The following MSN variants were observed in gnomAD, a reference collection of about 807,000 sequenced individuals.
The protein encoded by MSN is epididymis luminal protein 70.
MSN carries 2 observed loss-of-function variants against 48.0 expected under a neutral mutation model. The observed-to-expected ratio is 0.04, with a 90% CI of 0.02 to 0.13. The LOEUF is 0.13. Ranked by LOEUF, MSN falls within the 10% of genes least tolerant of loss-of-function variation. MSN has a pLI of 1.00. For missense variants in MSN, 267 were observed against 470.1 expected (o/e 0.57, Z 3.99); for synonymous variants, 146 against 166.9 (o/e 0.87, Z 0.97).
chrX:65,689,507 A>C (rs2071151614), intron 1 of MSN, among the ~76,000 whole-genome samples: 1 of 111,536 alleles, frequency 9.0e-6, no homozygotes, highest in African/African-American at 3.3e-5. Context: ...CCCACCAGAA[A>C]CAGGTGATAA....
At chrX:65,670,714 C>T (rs1363882502) in intron 1 of MSN, among the ~76,000 whole-genome samples, 5 of 105,008 alleles carry the variant, frequency 4.8e-5, no homozygotes, top group Non-Finnish European at 7.8e-5. Context: ...CAGAGTGAGA[C>T]TCCATCTCAA....
intron 1 of MSN, among the ~76,000 whole-genome samples, chrX:65,597,834 AAGACAGT>A (rs1175825923): frequency 8.9e-6 from 1 of 112,127 alleles, no homozygotes; most frequent in Non-Finnish European, 1.9e-5. Context: ...ATGGGGTCAG[AAGACAGT>A]AGGAATATAG....
At chrX:65,693,824 C>T (rs935512942) in intron 1 of MSN, among the ~76,000 whole-genome samples, 6 of 111,607 alleles carry the variant, frequency 5.4e-5, no homozygotes, top group African/African-American at 1.3e-4. Flanking sequence ...GAGGCCGAGG[C>T]GGGCAGATCA....
At chrX:65,678,081 C>T (rs2071018998) in intron 1 of MSN, among the ~76,000 whole-genome samples, 1 of 111,140 alleles carries the variant, frequency 9.0e-6, no homozygotes, top group Non-Finnish European at 1.9e-5. Context: ...TAAAGGCTTC[C>T]TCCCTGCAAC....
At chrX:65,698,929 A>G (rs1284345403) in intron 1 of MSN, among the ~76,000 whole-genome samples, 1 of 111,719 alleles carries the variant, frequency 9.0e-6, no homozygotes, top group African/African-American at 3.3e-5. Context: ...AGAAAGTCAT[A>G]TAAGTCCTAT....
intron 1 of MSN, among the ~76,000 whole-genome samples, chrX:65,658,642 C>T (rs1019435932): frequency 2.7e-5 from 3 of 110,999 alleles, no homozygotes; most frequent in Non-Finnish European, 5.7e-5. Flanking sequence ...GTATTGCCTC[C>T]TCTGCACTGC....
rs55726908 is a variant in MSN at position 65,718,818 on chromosome X, T to TAAAAAAA, written c.96+1928_96+1934dup. 1.2e-4 allele frequency among the ~76,000 whole-genome samples: 9 copies of TAAAAAAA among 75,152 alleles called. 1 individual carries two copies. The highest frequency in any genetic ancestry group is 5.3e-4 in the African/African-American group (8 of 14,996). 65.3% of individuals were successfully genotyped at this position (75,152 alleles called of 115,157 possible). On this transcript the variant is annotated intron_variant, in intron 2 of 12. Coordinates refer to ENST00000360270, the MANE Select transcript of MSN (RefSeq NM_002444.3). Reference sequence around the variant, plus strand: ...AGGTGACAGAGCAAGACTCTGTCTCTAAAAAAAAAAAAAAAAAGTAAAGAA... The same window carrying TAAAAAAA: ...AGGTGACAGAGCAAGACTCTGTCTCTAAAAAAAAAAAAAAAAAAAAAAAAGTAAAGAA...
intron 1 of MSN, among the ~76,000 whole-genome samples, chrX:65,673,816 T>G (rs2070968493): frequency 9.0e-6 from 1 of 111,224 alleles, no homozygotes; most frequent in African/African-American, 3.3e-5. Flanking sequence ...GGCACTAAAG[T>G]CCAGAAAAGG....
At chrX:65,729,385 C>T in intron 3 of MSN, 53 bp from the exon 4 acceptor site, 1 of 1,165,958 alleles carries the variant, frequency 8.6e-7, no homozygotes, top group Non-Finnish European at 1.2e-6. Flanking sequence ...TACAGCCACT[C>T]CATTACCCTT....
chrX:65,688,376 C>A (rs2071138074), intron 1 of MSN, among the ~76,000 whole-genome samples: 1 of 111,678 alleles, frequency 9.0e-6, no homozygotes, highest in African/African-American at 3.3e-5. Context: ...ACACACCCAG[C>A]CAGGAATTAT....
At chrX:65,670,950 A>G (rs1220923423) in intron 1 of MSN, among the ~76,000 whole-genome samples, 2 of 56,028 alleles carry the variant, frequency 3.6e-5, no homozygotes, top group East Asian at 6.0e-4. Context: ...ATATATATAT[A>G]TATATTTAAA....
intron 1 of MSN, among the ~76,000 whole-genome samples, chrX:65,645,184 C>T (rs2070685998): frequency 9.0e-6 from 1 of 111,723 alleles, no homozygotes; most frequent in Non-Finnish European, 1.9e-5. Context: ...GCTATCCTTC[C>T]CCAAGTGTGC....
intron 1 of MSN, among the ~76,000 whole-genome samples, chrX:65,658,703 T>C (rs868122719): frequency 2.8e-4 from 31 of 111,784 alleles, no homozygotes; most frequent in Non-Finnish European, 2.8e-4. Context: ...AGCTTCTTTA[T>C]TGCCGTGAAC....
At chrX:65,598,318 A>G (rs2070203186) in intron 1 of MSN, among the ~76,000 whole-genome samples, 1 of 110,100 alleles carries the variant, frequency 9.1e-6, no homozygotes, top group African/African-American at 3.3e-5. Context: ...AGAGACAGAC[A>G]GAAACAGACA....
intron 1 of MSN, among the ~76,000 whole-genome samples, chrX:65,668,471 C>G (rs1333575173): frequency 1.8e-5 from 2 of 111,937 alleles, no homozygotes; most frequent in African/African-American, 3.2e-5. Context: ...GAGGCCTACC[C>G]CATCTCCTGG....
In MSN at chrX:65,642,094, A is replaced by G. The variant is rs2070659653; in HGVS notation, c.-22+53482A>G. On this transcript the variant is annotated intron_variant, in intron 1 of 3. Coordinates refer to the MSN transcript ENST00000609672. ...GGTTGCGGTGAGCCGAGAGTGTGCC[A>G]TTGCACTCTAGCCTGGGCAACAAGA... Among the ~76,000 whole-genome samples, 3 of 88,924 alleles carry G rather than the reference A, an allele frequency of 3.4e-5. No homozygotes were observed. In the Admixed American group the frequency reaches 4.6e-4, roughly 14 times the overall value. The allele number at this position is 88,924 out of a possible 115,157, so 77.2% of individuals were successfully genotyped here.
At position 65,737,264 on chromosome X, in the gene MSN, C is replaced by T. The variant is rs2071687872; in HGVS notation, c.1177C>T (p.Arg393Cys). ...CGAGGCTGAAAAGCTGGCCAAGGAG[C>T]GTCAAGAAGCTGAAGAGGCCAAGGA... ...QSEAEKLAKE[R>C]QEAEEAKEAL... The change falls in exon 10 of 13, where the codon CGT becomes TGT. Residue 393 changes from arginine (R) to cysteine (C), a missense_variant. Coordinates refer to ENST00000360270, the MANE Select transcript of MSN (RefSeq NM_002444.3). 5.0e-6 allele frequency: 6 copies of T among 1,209,131 alleles called. No homozygotes were observed. Among genetic ancestry groups the T allele is most frequent in the African/African-American group, 3.5e-5 (2 of 57,119 alleles).
At chrX:65,659,414 A>G (rs1220360920) in intron 1 of MSN, among the ~76,000 whole-genome samples, 1 of 111,784 alleles carries the variant, frequency 8.9e-6, no homozygotes, top group African/African-American at 3.3e-5. Flanking sequence ...TCGGCCTCCC[A>G]AAGTGTTGGG....
intron 1 of MSN, among the ~76,000 whole-genome samples, chrX:65,613,792 T>C (rs1036743561): frequency 8.9e-6 from 1 of 112,257 alleles, no homozygotes; most frequent in African/African-American, 3.2e-5. Context: ...AATGGATAGA[T>C]TGCAAAAATT....
Sources: allele counts gnomAD v4.1 joint callset (sites outside exome capture counted in the v4.1 genomes callset), GRCh38; gene constraint gnomAD v4.1.1; transcripts MANE v1.5; gene names NCBI Gene and HGNC (gene_info 2026-07-23, HGNC 2026-07-21).